LRP11: variants seen among roughly 807,000 people sequenced by gnomAD.
LRP11 encodes the protein low-density lipoprotein receptor-related protein 11.
Under a neutral mutation model 43.1 loss-of-function variants are expected in LRP11, and 25 were observed. That is an observed-to-expected ratio of 0.58 (90% CI 0.42 to 0.81). LRP11 has a LOEUF of 0.81. Among genes scored for constraint, LRP11 ranks in the 30% least tolerant of loss-of-function variants. The probability of loss-of-function intolerance (pLI) is 0.00; values close to 1 mark genes in which losing one functional copy is unlikely to be tolerated. For synonymous variants in LRP11, 316 were observed against 299.4 expected, an observed-to-expected ratio of 1.06 and a Z score of -0.57; for missense variants, 623 against 665.1, an observed-to-expected ratio of 0.94 and a Z score of 0.70.
intron 2 of LRP11, among the ~76,000 whole-genome samples, chr6:149,845,736 C>G (rs1347160234): frequency 6.6e-6 from 1 of 151,604 alleles, no homozygotes; most frequent in Non-Finnish European, 1.5e-5. Context: ...ATGTCTTAAT[C>G]TGATCAGATA....
chr6:149,830,519 G>C (rs1776395756), intron 5 of LRP11, among the ~76,000 whole-genome samples: 2 of 152,188 alleles, frequency 1.3e-5, no homozygotes, highest in South Asian at 4.1e-4. Flanking sequence ...CTCATACCCA[G>C]GCAAAATCAC....
chr6:149,843,460 C>G (rs1776583159), intron 2 of LRP11, among the ~76,000 whole-genome samples: 2 of 152,104 alleles, frequency 1.3e-5, no homozygotes, highest in South Asian at 4.1e-4. Context: ...GGGAGAAAAT[C>G]AGGACCATGA....
At chr6:149,842,814 C>G (rs199576487) in intron 3 of LRP11, 169 bp downstream of exon 3, 33 of 1,206,080 alleles carry the variant, frequency 2.7e-5, no homozygotes, top group Middle Eastern at 1.9e-4. Context: ...AAGCCCAAAA[C>G]AGAAGAGAGC....
chr6:149,863,648 G>T lies in LRP11; in HGVS notation c.373C>A (p.Arg125=). 6.8e-7 allele frequency: 1 copy of T among 1,472,382 alleles called. No homozygotes were observed. Among genetic ancestry groups the T allele is most frequent in the Non-Finnish European group, 8.9e-7 (1 of 1,118,514 alleles). 91.2% of individuals were successfully genotyped at this position (1,472,382 alleles called of 1,614,324 possible). ...ASFLRAPAAV[R]GWRQCVAACC... ...GCCGCCACGCATTGCCGCCAGCCCC[G>T]CACGGCCGCCGGCGCCCGCAGGAAG... Residue 125 remains arginine, a synonymous_variant, in exon 1 of 7, where the codon CGG becomes AGG. Coordinates refer to ENST00000239367, the MANE Select transcript of LRP11 (RefSeq NM_032832.6).
chr6:149,857,290 G>C (rs1033980585), intron 1 of LRP11, among the ~76,000 whole-genome samples: 1 of 152,074 alleles, frequency 6.6e-6, no homozygotes, highest in South Asian at 2.1e-4. Context: ...CCAGCACTTT[G>C]GGAGGCTGAG....
chr6:149,857,253 C>T lies in LRP11; in HGVS notation c.614-4093G>A, dbSNP rs536139328. ...AGTCTGACTTTGAAACAGACGCGGC[C>T]GGGTGTGGTGATTCATGCTTGTAAT... On this transcript the variant is annotated intron_variant, in intron 1 of 6. Transcript: ENST00000239367. Among the ~76,000 whole-genome samples, 95 of 152,148 alleles carry T rather than the reference C, an allele frequency of 6.2e-4. 1 individual carries two copies. Among genetic ancestry groups the T allele is most frequent in the Admixed American group, 3.3e-3 (51 of 15,276 alleles).
At chr6:149,829,143 T>C (rs919559397) in intron 5 of LRP11, among the ~76,000 whole-genome samples, 5 of 152,198 alleles carry the variant, frequency 3.3e-5, no homozygotes, top group African/African-American at 1.2e-4. Flanking sequence ...TCCTCCCCCA[T>C]GCCGTACTGC....
intron 5 of LRP11, among the ~76,000 whole-genome samples, chr6:149,828,195 A>T (rs977611777): frequency 2.6e-5 from 4 of 152,164 alleles, no homozygotes; most frequent in Admixed American, 1.3e-4. Context: ...TCAAAAGAAA[A>T]AAAAAAAAGA....
intron 1 of LRP11, 104 bp downstream of exon 1, chr6:149,863,304 C>G: frequency 7.8e-7 from 1 of 1,278,042 alleles, no homozygotes; most frequent in Non-Finnish European, 9.9e-7. Context: ...TGGGTGCCCG[C>G]GGCTAAAATA....
chr6:149,822,588 A>G (rs2115369484), intron 6 of LRP11, among the ~76,000 whole-genome samples: 1 of 152,252 alleles, frequency 6.6e-6, no homozygotes, highest in South Asian at 2.1e-4. Context: ...GGACAGCCCC[A>G]GAGCCTGTGG....
chr6:149,854,179 C>T (rs951734187), intron 1 of LRP11, among the ~76,000 whole-genome samples: 13 of 152,272 alleles, frequency 8.5e-5, no homozygotes, highest in East Asian at 1.9e-4. Context: ...GGCTGGTGCA[C>T]GATCATAGCT....
chr6:149,852,863 G>A, intron 2 of LRP11, 140 bp downstream of exon 2: 1 of 603,184 alleles, frequency 1.7e-6, no homozygotes, highest in Non-Finnish European at 2.6e-6. Context: ...AAACCATTTT[G>A]GCATAATCAG....
intron 1 of LRP11, among the ~76,000 whole-genome samples, chr6:149,859,396 A>ATATATATATATATATATATATTTT: frequency 3.4e-4 from 24 of 71,476 alleles, no homozygotes; most frequent in Non-Finnish European, 4.8e-4. Flanking sequence ...ATATATATAT[A>ATATATATATATATATATATATTTT]TTTTTTTTTT....
Position 149,863,416 on chromosome 6 carries a change from G to C in LRP11, c.605C>G (p.Pro202Arg), listed in dbSNP as rs766870969. 1 of 1,328,228 alleles carries C rather than the reference G, an allele frequency of 7.5e-7. No individual in the cohort carries two copies. The highest frequency in any genetic ancestry group is 1.5e-5 in the African/African-American group (1 of 66,040). The allele number at this position is 1,328,228 out of a possible 1,614,324, so 82.3% of individuals were successfully genotyped here. ...GAALATARAS[P>R]RQEKDAPPLS... Reference sequence around the variant, plus strand: ...CTCAGTCGCGCGCTTACCCTGCCGGGGCGAGGCGCGCGCGGTGGCCAGGGC... The same window carrying C: ...CTCAGTCGCGCGCTTACCCTGCCGGCGCGAGGCGCGCGCGGTGGCCAGGGC... Residue 202 changes from proline (P) to arginine (R), a missense_variant, in exon 1 of 7, where the codon CCC becomes CGC. Pro to Arg is a moderately radical substitution (Grantham distance 103). Coordinates refer to ENST00000239367, the MANE Select transcript of LRP11 (RefSeq NM_032832.6).
At position 149,820,641 on chromosome 6, in the gene LRP11, A is replaced by G. The variant is rs776903133; in HGVS notation, c.1411T>C (p.Cys471Arg). The change falls in exon 7 of 7, where the codon TGC becomes CGC. Residue 471 changes from cysteine to arginine, a missense_variant. By Grantham distance (180) the Cys-to-Arg change is radical. Transcript: ENST00000239367. ...TTCTGTTTCACCAGTCGTAGTCGGC[A>G]TGCAACCATGAGAAGCAGCAGAGCA... ...ITALLLLMVA[C>R]RLRLVKQKLK... 24 of 780,936 alleles carry G rather than the reference A, an allele frequency of 3.1e-5. No homozygotes were observed. In the South Asian group the frequency reaches 3.2e-4, roughly 10 times the overall value. The allele number at this position is 780,936 out of a possible 1,614,324, so 48.4% of individuals were successfully genotyped here. A position where few individuals can be genotyped will look rare whatever the true frequency, so the allele number is the denominator to read the frequency against.
chr6:149,825,657 A>AT lies in LRP11; in HGVS notation c.1348+606dup, dbSNP rs3036632. On this transcript the variant is annotated intron_variant, in intron 6 of 6. Transcript: ENST00000239367. The stretch of plus-strand genomic sequence containing the variant: ...CATACAGTTTAGTGGGTAAGTGAGA[A>AT]TTTTTTTTTTTTTTTTTTGAGACGG... 4.5e-3 allele frequency among the ~76,000 whole-genome samples: 633 copies of AT among 141,626 alleles called. 1 individual carries two copies. The highest frequency in any genetic ancestry group is 0.011 in the African/African-American group (415 of 37,772). The allele number at this position is 141,626 out of a possible 152,430, so 92.9% of individuals were successfully genotyped here.
chr6:149,823,875 A>T (rs983462337), intron 6 of LRP11, among the ~76,000 whole-genome samples: 3 of 152,148 alleles, frequency 2.0e-5, no homozygotes, highest in Admixed American at 2.0e-4. Flanking sequence ...CGGCTGTCTC[A>T]TTCCATACAC....
In LRP11 at chr6:149,856,932, C is replaced by T. The variant is rs1353730300; in HGVS notation, c.614-3772G>A. On this transcript the variant is annotated intron_variant, in intron 1 of 6. Transcript: ENST00000239367. The stretch of plus-strand genomic sequence containing the variant: ...GGCTCAGATACATGCGGTCAAAATC[C>T]ATCATGGATTTCCAACTGCAACACT... 2.0e-5 allele frequency among the ~76,000 whole-genome samples: 3 copies of T among 152,246 alleles called. No homozygotes were observed. The East Asian group carries it at 5.8e-4, about 29-fold the overall frequency.
Position 149,863,423 on chromosome 6 carries a change from C to T in LRP11, c.598G>A (p.Ala200Thr). The change falls in exon 1 of 7, where the codon GCC becomes ACC. Residue 200 changes from alanine to threonine, a missense_variant. Transcript: ENST00000239367. ...GCGCGCTTACCCTGCCGGGGCGAGGCGCGCGCGGTGGCCAGGGCGGCGCCG... is the reference window on the plus strand; with the variant it reads ...GCGCGCTTACCCTGCCGGGGCGAGGTGCGCGCGGTGGCCAGGGCGGCGCCG... ...PDGAALATAR[A>T]SPRQEKDAPP... The T allele has an allele frequency of 7.6e-7, 1 of 1,319,274 alleles. No homozygotes were observed. The highest frequency in any genetic ancestry group is 9.6e-7 in the Non-Finnish European group (1 of 1,042,140). The allele number at this position is 1,319,274 out of a possible 1,614,324, so 81.7% of individuals were successfully genotyped here.
Sources: allele counts gnomAD v4.1 joint callset (sites outside exome capture counted in the v4.1 genomes callset), GRCh38; gene constraint gnomAD v4.1.1; transcripts MANE v1.5; gene names NCBI Gene and HGNC (gene_info 2026-07-23, HGNC 2026-07-21).